Variants in SNRNP70 observed in about 807,000 individuals in gnomAD.
SNRNP70 encodes the protein U1 small nuclear ribonucleoprotein 70 kDa.
In SNRNP70, 8 loss-of-function variants were observed where a neutral mutation model predicts 50.5. The ratio of observed to expected loss-of-function variants is 0.16; its 90% CI spans 0.09 to 0.29. The LOEUF is 0.29. SNRNP70 is among the 10% of genes least tolerant of loss of function. The pLI, the probability that SNRNP70 is intolerant of heterozygous loss-of-function variation, is 1.00. For synonymous variants in SNRNP70, 320 were observed against 252.9 expected (o/e 1.27, Z -2.52); for missense variants, 529 against 663.5 (o/e 0.80, Z 2.23).
intron 4 of SNRNP70, 61 bp downstream of exon 4, chr19:49,090,581 G>A: frequency 1.3e-6 from 2 of 1,515,826 alleles, no homozygotes; most frequent in Non-Finnish European, 1.8e-6. Context: ...TTCTTCCCAG[G>A]TCATACCCAG....
chr19:49,096,452 G>C (rs1200705595), intron 4 of SNRNP70, among the ~76,000 whole-genome samples: 1 of 152,104 alleles, frequency 6.6e-6, no homozygotes, highest in Non-Finnish European at 1.5e-5. Context: ...CTTAAATTGT[G>C]GCTTAGGCTT....
At chr19:49,097,736 C>T (rs1167849230) in intron 4 of SNRNP70, among the ~76,000 whole-genome samples, 2 of 152,206 alleles carry the variant, frequency 1.3e-5, no homozygotes, top group East Asian at 3.8e-4. Context: ...AAATTGGTTT[C>T]TTAGGAGATT....
chr19:49,101,412 G>T lies in SNRNP70; in HGVS notation c.416G>T (p.Arg139Leu), dbSNP rs781039219. 6.2e-7 allele frequency: 1 copy of T among 1,613,982 alleles called. No homozygotes were observed. The highest frequency in any genetic ancestry group is 1.1e-5 in the South Asian group (1 of 91,084). ...CAGATACACATGGTCTACAGTAAGC[G>T]GTCAGGAAAGCCCCGTGGCTATGCC... is the stretch of plus-strand genomic sequence containing the variant. ...IKRIHMVYSK[R>L]SGKPRGYAFI... The change falls in exon 7 of 10, where the codon CGG (arginine) becomes CTG (leucine). Residue 139 changes from arginine (R) to leucine (L), a missense_variant. Arg to Leu is a moderately radical substitution (Grantham distance 102). Around this residue, in one of 4 missense-constraint regions of SNRNP70, gnomAD observed 149 missense variants for 259.7 expected, o/e 0.57. Coordinates refer to ENST00000598441, the MANE Select transcript of SNRNP70 (RefSeq NM_003089.6).
At chr19:49,097,774 T>C (rs928533147) in intron 4 of SNRNP70, among the ~76,000 whole-genome samples, 1 of 152,240 alleles carries the variant, frequency 6.6e-6, no homozygotes, top group African/African-American at 2.4e-5. Context: ...GAGATTGTTA[T>C]TCCTTAGTAG....
chr19:49,102,592 G>C lies in SNRNP70; in HGVS notation c.475+1121G>C, dbSNP rs1161125576. The C allele has an allele frequency of 1.2e-5, 2 of 169,910 alleles. 1 individual carries two copies. Among genetic ancestry groups the C allele is most frequent in the Non-Finnish European group, 2.6e-5 (2 of 77,344 alleles). The allele number at this position is 169,910 out of a possible 1,614,324, so 10.5% of individuals were successfully genotyped here. A position where few individuals can be genotyped will look rare whatever the true frequency, so the allele number is the denominator to read the frequency against. ...GCTGCTACTGTGCTGGCCCTGGAGAGTCTTTTTGGCTGCTAGTTTTGGGGT... is the reference window on the plus strand; with the variant it reads ...GCTGCTACTGTGCTGGCCCTGGAGACTCTTTTTGGCTGCTAGTTTTGGGGT... On this transcript the variant is annotated intron_variant, in intron 7 of 9. Coordinates refer to ENST00000598441, the MANE Select transcript of SNRNP70 (RefSeq NM_003089.6).
intron 6 of SNRNP70, among the ~76,000 whole-genome samples, chr19:49,099,738 T>TGAAA (rs549551159): frequency 1.4e-5 from 2 of 138,750 alleles, no homozygotes; most frequent in Non-Finnish European, 3.1e-5. Context: ...GACTCCATCT[T>TGAAA]AAAAAAAAAA....
In SNRNP70 at chr19:49,098,724, G is replaced by T. The variant is rs747008290; in HGVS notation, c.393+20G>T. The T allele has an allele frequency of 6.2e-7, 1 of 1,606,824 alleles. No individual in the cohort carries two copies. Among genetic ancestry groups the T allele is most frequent in the Non-Finnish European group, 8.5e-7 (1 of 1,173,500 alleles). Reference sequence around the variant, plus strand: ...AAAAGAGTAAGTGGAGTGGGTCAGGGTGTTTGAATTGGGGGTGCATGGAGG... The same window carrying T: ...AAAAGAGTAAGTGGAGTGGGTCAGGTTGTTTGAATTGGGGGTGCATGGAGG... On this transcript the variant is annotated intron_variant, in intron 6 of 9. Transcript: ENST00000598441.
In SNRNP70 at chr19:49,108,595, T is replaced by A; in HGVS notation, c.*152T>A. On this transcript the variant is annotated 3_prime_UTR_variant, in exon 10 of 10. Coordinates refer to ENST00000598441, the MANE Select transcript of SNRNP70 (RefSeq NM_003089.6). ...CCTTGGATTTAAAAATAAAATTAATTTCCTGTTGATAGTGGGCACCTCGGT... is the reference window on the plus strand; with the variant it reads ...CCTTGGATTTAAAAATAAAATTAATATCCTGTTGATAGTGGGCACCTCGGT... The A allele has an allele frequency of 9.5e-7, 1 of 1,048,048 alleles. No individual in the cohort carries two copies. The highest frequency in any genetic ancestry group is 1.6e-5 in the African/African-American group (1 of 61,668). 64.9% of individuals were successfully genotyped at this position (1,048,048 alleles called of 1,614,324 possible).
chr19:49,098,222 C>T (rs1337823315), intron 4 of SNRNP70, among the ~76,000 whole-genome samples: 3 of 152,176 alleles, frequency 2.0e-5, no homozygotes, highest in African/African-American at 7.2e-5. Context: ...TATCTCTCAG[C>T]CACTCTGATA....
intron 8 of SNRNP70, among the ~76,000 whole-genome samples, chr19:49,105,769 C>A (rs1393671914): frequency 6.6e-6 from 1 of 152,102 alleles, no homozygotes; most frequent in African/African-American, 2.4e-5. Flanking sequence ...GGGCGACCCA[C>A]CTGTGATGTG....
rs532785035 is a variant in SNRNP70 at position 49,085,487 on chromosome 19, G to A, written c.-160G>A. 6.9e-5 allele frequency: 31 copies of A among 451,502 alleles called. No homozygotes were observed. The highest frequency in any genetic ancestry group is 2.1e-4 in the East Asian group (3 of 14,226). The allele number at this position is 451,502 out of a possible 1,614,324, so 28.0% of individuals were successfully genotyped here. On this transcript the variant is annotated 5_prime_UTR_variant, in exon 1 of 10. Transcript: ENST00000598441. ...GAGGCCGCGCGGGTGGCTGAGCAGC[G>A]GCCTGGTGCGCTCGCTTAGCGGGCG... is the stretch of plus-strand genomic sequence containing the variant.
chr19:49,085,522 G>C lies in SNRNP70; in HGVS notation c.-125G>C, dbSNP rs1568415932. ...GCTCGCTTAGCGGGCGACGGAATCA[G>C]ACGGACGTGGACGCCCCCGGAGTGG... On this transcript the variant is annotated 5_prime_UTR_variant, in exon 1 of 10. Coordinates refer to ENST00000598441, the MANE Select transcript of SNRNP70 (RefSeq NM_003089.6). The C allele has an allele frequency of 2.2e-6, 1 of 455,550 alleles. No individual in the cohort carries two copies. Among genetic ancestry groups the C allele is most frequent in the Non-Finnish European group, 4.4e-6 (1 of 226,596 alleles). The allele number at this position is 455,550 out of a possible 1,614,324, so 28.2% of individuals were successfully genotyped here.
At chr19:49,096,239 T>G (rs2040511790) in intron 4 of SNRNP70, among the ~76,000 whole-genome samples, 1 of 151,756 alleles carries the variant, frequency 6.6e-6, no homozygotes, top group Non-Finnish European at 1.5e-5. Flanking sequence ...GTATTTTTAG[T>G]AGAGACGGGG....
rs1306367144 is a variant in SNRNP70 at position 49,104,978 on chromosome 19, C to A, written c.577+243C>A. 6.6e-6 allele frequency among the ~76,000 whole-genome samples: 1 copy of A among 152,180 alleles called. No individual in the cohort carries two copies. Among genetic ancestry groups the A allele is most frequent in the East Asian group, 1.9e-4 (1 of 5,174 alleles). ...AGGCCTGAGCCCACATGCTGGCGTC[C>A]GCCCTTGCTAGCTGGGGGTCCCCTT... On this transcript the variant is annotated intron_variant, in intron 8 of 9. Coordinates refer to ENST00000598441, the MANE Select transcript of SNRNP70 (RefSeq NM_003089.6). The surrounding 1 kb of genome is among the most constrained non-coding windows in gnomAD (Gnocchi z 5.4).
Position 49,104,604 on chromosome 19 carries a change from C to T in SNRNP70, c.476-30C>T, listed in dbSNP as rs1411252702. ...ACTAGAGGACCCTCTGGGGACTCCTCTCCCCTCCCCCTCCCCACATCTGTT... is the reference window on the plus strand; with the variant it reads ...ACTAGAGGACCCTCTGGGGACTCCTTTCCCCTCCCCCTCCCCACATCTGTT... On this transcript the variant is annotated intron_variant, in intron 7 of 9. Transcript: ENST00000598441. This position sits in a 1 kb window ranked among gnomAD's most constrained non-coding sequence, Gnocchi z 5.4. The T allele has an allele frequency of 6.6e-7, 1 of 1,522,506 alleles. No homozygotes were observed. The highest frequency in any genetic ancestry group is 1.4e-5 in the African/African-American group (1 of 72,508). The allele number at this position is 1,522,506 out of a possible 1,614,324, so 94.3% of individuals were successfully genotyped here.
At chr19:49,087,931 G>A (rs1221722449) in intron 2 of SNRNP70, among the ~76,000 whole-genome samples, 2 of 152,162 alleles carry the variant, frequency 1.3e-5, no homozygotes, top group South Asian at 2.1e-4. Flanking sequence ...AGACAGTTTT[G>A]CTCTGTTGCC....
intron 4 of SNRNP70, among the ~76,000 whole-genome samples, chr19:49,093,678 C>CAAAAAAA (rs1270724114): frequency 1.9e-4 from 12 of 64,172 alleles, no homozygotes; most frequent in Non-Finnish European, 2.5e-4. Flanking sequence ...GATTCCATCT[C>CAAAAAAA]AAAAAAAAAA....
In SNRNP70 at chr19:49,108,226, G is replaced by A. The variant is rs1387244686; in HGVS notation, c.1097G>A (p.Arg366Gln). Residue 366 changes from arginine (R) to glutamine (Q), a missense_variant, in exon 10 of 10, where the codon CGG becomes CAG. Physicochemically the swap from Arg to Gln is conservative, Grantham distance 43. This residue lies in a region of SNRNP70 where 327 missense variants were observed against 308.8 expected (regional missense o/e 1.06). Transcript: ENST00000598441. The part of the protein sequence containing the change: ...RSHRSERERR[R>Q]DRDRDRDRDR... ...CACCGGAGCGAGCGCGAGCGGCGCC[G>A]GGACCGGGATCGTGACCGTGACCGT... 1 of 1,537,090 alleles carries A rather than the reference G, an allele frequency of 6.5e-7. No individual in the cohort carries two copies. The highest frequency in any genetic ancestry group is 2.4e-5 in the East Asian group (1 of 40,930).
At chr19:49,087,196 A>T (rs905984329) in intron 2 of SNRNP70, among the ~76,000 whole-genome samples, 123 of 151,678 alleles carry the variant, frequency 8.1e-4, no homozygotes, top group South Asian at 1.7e-3. Context: ...AAAAAAAAAA[A>T]AAGTGGGGTT....
Sources: gnomAD v4.1 joint callset for allele counts (sites outside exome capture counted in the v4.1 genomes callset) on GRCh38, gnomAD v4.1.1 for gene constraint, gnomAD v4.1.1 regional missense constraint, Gnocchi (gnomAD v3.1) non-coding constraint, MANE v1.5 for transcripts, NCBI Gene and HGNC (gene_info 2026-07-23, HGNC 2026-07-21) for gene names.